The following PCDH9 variants were observed in gnomAD, a reference collection of about 807,000 sequenced individuals.
PCDH9 encodes protocadherin 9.
A neutral mutation model predicts 70.6 loss-of-function variants in PCDH9; 24 were observed. The ratio of observed to expected loss-of-function variants is 0.34; its 90% CI spans 0.25 to 0.48. The LOEUF (loss-of-function observed/expected upper bound fraction) is 0.48, where lower values mean the gene tolerates loss of function less well. Among genes scored for constraint, PCDH9 ranks in the 20% least tolerant of loss-of-function variants. The pLI is 0.99. For synonymous variants in PCDH9, 562 were observed against 558.5 expected (o/e 1.01, Z -0.09); for missense variants, 1,281 against 1,503.6 (o/e 0.85, Z 2.45).
At chr13:66,625,753 T>C (rs1376200201) in intron 4 of PCDH9, among the ~76,000 whole-genome samples, 6 of 151,738 alleles carry the variant, frequency 4.0e-5, no homozygotes, top group African/African-American at 9.7e-5. Flanking sequence ...TTCCACCTCC[T>C]GGGTTCAAGT....
chr13:67,149,050 A>G (rs569598444), intron 2 of PCDH9, among the ~76,000 whole-genome samples: 85 of 152,318 alleles, frequency 5.6e-4, no homozygotes, highest in African/African-American at 1.9e-3. Context: ...TTCATGCTCA[A>G]ATTTGAGCTC....
chr13:66,317,994 A>T (rs1955684493), intron 4 of PCDH9, among the ~76,000 whole-genome samples: 1 of 152,186 alleles, frequency 6.6e-6, no homozygotes, highest in African/African-American at 2.4e-5. Context: ...ATATTTTGAA[A>T]GAATCTCCTA....
intron 4 of PCDH9, among the ~76,000 whole-genome samples, chr13:66,390,490 C>A (rs920368847): frequency 7.2e-5 from 11 of 152,200 alleles, no homozygotes; most frequent in African/African-American, 2.4e-4. Flanking sequence ...AATCTCAGCA[C>A]TTTAGGAGGC....
At chr13:66,796,443 C>T (rs2080242281) in intron 3 of PCDH9, among the ~76,000 whole-genome samples, 1 of 152,134 alleles carries the variant, frequency 6.6e-6, no homozygotes, top group African/African-American at 2.4e-5. Flanking sequence ...GTCATTTAAG[C>T]AGTACCCCAG....
intron 2 of PCDH9, among the ~76,000 whole-genome samples, chr13:67,074,098 T>TC (rs557764781): frequency 7.3e-5 from 11 of 151,402 alleles, no homozygotes; most frequent in Admixed American, 6.6e-5. Context: ...TGTCTGTCTA[T>TC]TATCTATCTA....
chr13:66,870,070 T>TGA (rs1566254220), intron 3 of PCDH9, among the ~76,000 whole-genome samples: 8 of 152,182 alleles, frequency 5.3e-5, no homozygotes, highest in Non-Finnish European at 7.3e-5. Context: ...AACATTTAAG[T>TGA]CTTTAATCCA....
intron 2 of PCDH9, among the ~76,000 whole-genome samples, chr13:67,106,273 T>C (rs2086541034): frequency 1.3e-5 from 2 of 152,212 alleles, no homozygotes. Context: ...TTATCCATCC[T>C]AGGCATTTTA....
At chr13:66,892,973 A>G (rs1203239957) in intron 3 of PCDH9, among the ~76,000 whole-genome samples, 1 of 152,138 alleles carries the variant, frequency 6.6e-6, no homozygotes, top group Non-Finnish European at 1.5e-5. Context: ...CTTGATTATA[A>G]TATTAGAAAA....
chr13:66,834,251 G>C (rs1200772092), intron 3 of PCDH9, among the ~76,000 whole-genome samples: 1 of 141,310 alleles, frequency 7.1e-6, no homozygotes, highest in Non-Finnish European at 1.5e-5. Flanking sequence ...TCCGTCCCCC[G>C]AGCTCAAGCA....
chr13:66,774,880 G>T (rs372874015), intron 3 of PCDH9, among the ~76,000 whole-genome samples: 13 of 152,186 alleles, frequency 8.5e-5, no homozygotes, highest in African/African-American at 3.1e-4. Context: ...TCAAGTTTTG[G>T]TACTTGGTTC....
chr13:66,914,646 T>C (rs540828875), intron 2 of PCDH9, among the ~76,000 whole-genome samples: 39 of 151,972 alleles, frequency 2.6e-4, no homozygotes, highest in African/African-American at 9.1e-4. Context: ...AAAAAGCACA[T>C]TGAATGCTGT....
At position 67,129,671 on chromosome 13, in the gene PCDH9, A is replaced by T. The variant is rs147111595; in HGVS notation, c.3036+95734T>A. ...AGCTAGAGGTAATCGTATATTCCAT[A>T]TATAGAGATATTATATATGTATATT... On this transcript the variant is annotated intron_variant, in intron 2 of 4. Transcript: ENST00000377865. Among the ~76,000 whole-genome samples, 1,037 of 152,070 alleles carry T rather than the reference A, an allele frequency of 6.8e-3. 38 individuals carry two copies. In the South Asian group the frequency reaches 0.069, roughly 10 times the overall value.
At chr13:67,093,468 A>G (rs1217843014) in intron 2 of PCDH9, among the ~76,000 whole-genome samples, 4 of 152,096 alleles carry the variant, frequency 2.6e-5, no homozygotes, top group African/African-American at 7.2e-5. Context: ...TAATAATAAT[A>G]ATAAGTAAAT....
At chr13:66,754,082 T>C (rs1000465196) in intron 3 of PCDH9, among the ~76,000 whole-genome samples, 12 of 152,194 alleles carry the variant, frequency 7.9e-5, no homozygotes, top group Non-Finnish European at 1.3e-4. Flanking sequence ...AAATTATTTC[T>C]TGACTTTTAT....
intron 4 of PCDH9, among the ~76,000 whole-genome samples, chr13:66,337,042 C>T (rs1468179213): frequency 9.2e-5 from 14 of 151,902 alleles, no homozygotes. Flanking sequence ...ATGTTTCTTT[C>T]CCTAAAATAA....
chr13:66,901,445 G>C (rs2082274889), intron 3 of PCDH9, among the ~76,000 whole-genome samples: 1 of 151,674 alleles, frequency 6.6e-6, no homozygotes, highest in African/African-American at 2.4e-5. Flanking sequence ...GGGATGGGTA[G>C]GACCTTCCAG....
intron 3 of PCDH9, among the ~76,000 whole-genome samples, chr13:66,847,985 T>A (rs768791134): frequency 2.1e-4 from 32 of 152,166 alleles, no homozygotes; most frequent in Non-Finnish European, 3.7e-4. Flanking sequence ...GCCATTATGA[T>A]TATTTGTGTA....
intron 2 of PCDH9, among the ~76,000 whole-genome samples, chr13:67,061,833 A>G (rs1451828375): frequency 6.6e-6 from 1 of 152,164 alleles, no homozygotes; most frequent in Non-Finnish European, 1.5e-5. Context: ...ACCTTGTAAG[A>G]GCAGAATTCC....
intron 2 of PCDH9, among the ~76,000 whole-genome samples, chr13:67,141,213 C>A (rs2087378172): frequency 1.3e-5 from 2 of 151,978 alleles, no homozygotes; most frequent in Non-Finnish European, 2.9e-5. Context: ...ATACAGTGGG[C>A]TAAGTGTTAT....
Sources: allele counts gnomAD v4.1 joint callset (sites outside exome capture counted in the v4.1 genomes callset), GRCh38; gene constraint gnomAD v4.1.1; transcripts MANE v1.5; gene names NCBI Gene and HGNC (gene_info 2026-07-23, HGNC 2026-07-21).